ATP10A: variants seen among roughly 807,000 people sequenced by gnomAD.
ATP10A encodes the protein ATPase phospholipid transporting 10A (putative), also known as phospholipid-transporting ATPase VA.
A neutral mutation model predicts 147.8 loss-of-function variants in ATP10A; 111 were observed. The observed-to-expected ratio is 0.75, with a 90% CI of 0.64 to 0.88. The LOEUF (loss-of-function observed/expected upper bound fraction) is 0.88. ATP10A is among the 40% of genes least tolerant of loss of function. The pLI, the probability that ATP10A is intolerant of heterozygous loss-of-function variation, is 0.00. For missense variants in ATP10A, 1,927 were observed against 1,959.0 expected, an observed-to-expected ratio of 0.98 and a Z score of 0.31; for synonymous variants, 875 against 841.6, an observed-to-expected ratio of 1.04 and a Z score of -0.69.
chr15:25,699,707 A>T (rs1485744209), intron 13 of ATP10A, among the ~76,000 whole-genome samples: 1 of 152,044 alleles, frequency 6.6e-6, no homozygotes, highest in East Asian at 1.9e-4. Flanking sequence ...CATCTCTTAA[A>T]AAAATAAAAA....
intron 8 of ATP10A, among the ~76,000 whole-genome samples, chr15:25,717,703 A>G (rs2140407497): frequency 6.7e-6 from 1 of 148,868 alleles, no homozygotes; most frequent in Middle Eastern, 3.4e-3. Flanking sequence ...AAAACATTTC[A>G]GAAGTGAAAG....
intron 1 of ATP10A, among the ~76,000 whole-genome samples, chr15:25,836,608 C>T (rs1447103991): frequency 6.6e-6 from 1 of 152,196 alleles, no homozygotes; most frequent in Non-Finnish European, 1.5e-5. Flanking sequence ...CCAGGCAGCG[C>T]GGCCAGAGCT....
At chr15:25,682,366 G>A (rs916855698) in intron 17 of ATP10A, among the ~76,000 whole-genome samples, 3 of 152,148 alleles carry the variant, frequency 2.0e-5, no homozygotes, top group Non-Finnish European at 4.4e-5. Flanking sequence ...TCTATTACCC[G>A]GGTGACCAAA....
Position 25,681,081 on chromosome 15 carries a change from C to T in ATP10A, c.3493-7G>A, listed in dbSNP as rs1393333815. ...ACGTTCGTGGCCGGTATTCCTGGGA[C>T]ACAAAAACAATCAGTGATGTTACAG... On this transcript the variant is annotated splice_polypyrimidine_tract_variant and splice_region_variant and intron_variant, in intron 17 of 20. Coordinates refer to ENST00000555815, the MANE Select transcript of ATP10A (RefSeq NM_024490.4). 2.5e-6 allele frequency: 4 copies of T among 1,611,534 alleles called. No homozygotes were observed. The highest frequency in any genetic ancestry group is 3.4e-6 in the Non-Finnish European group (4 of 1,178,112).
chr15:25,788,197 C>T (rs1890257594), intron 1 of ATP10A, among the ~76,000 whole-genome samples: 1 of 152,226 alleles, frequency 6.6e-6, no homozygotes, highest in Non-Finnish European at 1.5e-5. Context: ...CAGCACTAAA[C>T]AGCTGGCTTT....
chr15:25,711,846 C>A (rs915550051), intron 10 of ATP10A, among the ~76,000 whole-genome samples: 3 of 152,156 alleles, frequency 2.0e-5, no homozygotes. Flanking sequence ...GCAGGGGCTC[C>A]CCTACCCCGA....
At chr15:25,780,891 C>A in intron 2 of ATP10A, 128 bp downstream of exon 2, 1 of 1,014,990 alleles carries the variant, frequency 9.9e-7, no homozygotes. Flanking sequence ...CCCTCAGACT[C>A]GTCTACTAGG....
chr15:25,760,301 C>G (rs917607842), intron 2 of ATP10A, among the ~76,000 whole-genome samples: 2 of 152,112 alleles, frequency 1.3e-5, no homozygotes, highest in Non-Finnish European at 2.9e-5. Flanking sequence ...CTTCGAGTGA[C>G]AGTTATATGG....
intron 17 of ATP10A, among the ~76,000 whole-genome samples, chr15:25,682,198 A>AG (rs998550701): frequency 6.6e-6 from 1 of 151,770 alleles, no homozygotes; most frequent in African/African-American, 2.4e-5. Flanking sequence ...CACTTTGACC[A>AG]GTTTTTGCCT....
intron 1 of ATP10A, among the ~76,000 whole-genome samples, chr15:25,847,056 A>G (rs1276557552): frequency 6.6e-6 from 1 of 152,238 alleles, no homozygotes; most frequent in Non-Finnish European, 1.5e-5. Flanking sequence ...AAAAGCATCC[A>G]TAGAGCATCT....
chr15:25,725,729 G>C (rs957549080), intron 5 of ATP10A, among the ~76,000 whole-genome samples: 63 of 152,022 alleles, frequency 4.1e-4, no homozygotes, highest in African/African-American at 1.5e-3. Context: ...CCCCCTCCCG[G>C]GTTCAAGCCA....
intron 8 of ATP10A, among the ~76,000 whole-genome samples, chr15:25,717,880 A>T (rs968431841): frequency 2.0e-5 from 3 of 152,142 alleles, no homozygotes; most frequent in Admixed American, 6.5e-5. Context: ...AGCGGTTGTC[A>T]TCTTGTCCTG....
intron 1 of ATP10A, among the ~76,000 whole-genome samples, chr15:25,854,169 G>T (rs948887089): frequency 2.0e-4 from 30 of 152,254 alleles, no homozygotes; most frequent in African/African-American, 6.7e-4. Flanking sequence ...AACAGCCCAT[G>T]TAGTCAGAGA....
intron 12 of ATP10A, among the ~76,000 whole-genome samples, chr15:25,702,421 A>G (rs1900723386): frequency 6.6e-6 from 1 of 152,230 alleles, no homozygotes. Flanking sequence ...TCTAACTTGT[A>G]ACTTTACAGA....
chr15:25,736,475 A>G (rs1887289124), intron 2 of ATP10A, among the ~76,000 whole-genome samples: 1 of 152,222 alleles, frequency 6.6e-6, no homozygotes, highest in Non-Finnish European at 1.5e-5. Context: ...GTTTTTTAAG[A>G]CACACGGCAC....
At position 25,781,082 on chromosome 15, in the gene ATP10A, G is replaced by T; in HGVS notation, c.591C>A (p.Thr197=). The T allele has an allele frequency of 6.2e-7, 1 of 1,614,196 alleles. No homozygotes were observed. Among genetic ancestry groups the T allele is most frequent in the East Asian group, 2.2e-5 (1 of 44,874 alleles). The change falls in exon 2 of 21, where the codon ACC becomes ACA. Residue 197 remains threonine (T), a synonymous_variant. Coordinates refer to ENST00000555815, the MANE Select transcript of ATP10A (RefSeq NM_024490.4). ...SDPDGLCHIE[T]ANLDGETNLK... is the part of the protein sequence containing the mutation. ...GGTTGGTCTCTCCATCCAGGTTGGC[G>T]GTCTCGATGTGGCATAGCCCGTCGG... is the stretch of plus-strand genomic sequence containing the variant.
rs780799601 is a variant in ATP10A at position 25,725,982 on chromosome 15, G to C, written c.948C>G (p.Leu316=). The C allele has an allele frequency of 1.9e-6, 3 of 1,613,992 alleles. No homozygotes were observed. The highest frequency in any genetic ancestry group is 2.5e-6 in the Non-Finnish European group (3 of 1,179,948). ...MNCDVLWCVL[L]LVCMSLFSAV... ...CTGAAAACAGAGACATGCAAACAAG[G>C]AGCAGGACACACCAGAGCACGTCGC... The change falls in exon 5 of 21, where the codon CTC becomes CTG. Residue 316 remains leucine, a synonymous_variant. Transcript: ENST00000555815.
intron 13 of ATP10A, among the ~76,000 whole-genome samples, chr15:25,700,501 GA>G (rs1203553183): frequency 2.0e-5 from 3 of 152,206 alleles, no homozygotes; most frequent in Non-Finnish European, 4.4e-5. Flanking sequence ...GCATCAAGGA[GA>G]AATATACTAC....
At chr15:25,693,972 G>T (rs1430422069) in intron 14 of ATP10A, among the ~76,000 whole-genome samples, 1 of 152,232 alleles carries the variant, frequency 6.6e-6, no homozygotes, top group Non-Finnish European at 1.5e-5. Context: ...GAGGGTACTT[G>T]ATTTCTGATC....
Sources: gnomAD v4.1 joint callset for allele counts (sites outside exome capture counted in the v4.1 genomes callset) on GRCh38, gnomAD v4.1.1 for gene constraint, MANE v1.5 for transcripts, NCBI Gene and HGNC (gene_info 2026-07-23, HGNC 2026-07-21) for gene names.